Variants in CALN1 observed in about 807,000 individuals in gnomAD.
CALN1 encodes calcium-binding protein 8.
A neutral mutation model predicts 30.6 loss-of-function variants in CALN1; 17 were observed. That is an observed-to-expected ratio of 0.56 (90% CI 0.38 to 0.83). The LOEUF (loss-of-function observed/expected upper bound fraction) is 0.83. Among genes scored for constraint, CALN1 ranks in the 40% least tolerant of loss-of-function variants. The pLI is 0.00. For missense variants in CALN1, 291 were observed against 354.9 expected (o/e 0.82, Z 1.45); for synonymous variants, 156 against 131.4 (o/e 1.19, Z -1.28).
At chr7:72,232,485 G>A (rs988817473) in intron 3 of CALN1, among the ~76,000 whole-genome samples, 2 of 152,152 alleles carry the variant, frequency 1.3e-5, no homozygotes, top group Admixed American at 1.3e-4. Flanking sequence ...TTTTGAGACG[G>A]AGTCTCACTC....
intron 2 of CALN1, among the ~76,000 whole-genome samples, chr7:72,334,002 G>A (rs982343197): frequency 2.0e-5 from 3 of 152,182 alleles, no homozygotes; most frequent in African/African-American, 4.8e-5. Flanking sequence ...ACATAGGATC[G>A]AAACCCAGCC....
intron 4 of CALN1, among the ~76,000 whole-genome samples, chr7:72,071,858 G>A (rs1424801031): frequency 6.6e-6 from 1 of 152,162 alleles, no homozygotes; most frequent in Non-Finnish European, 1.5e-5. Context: ...CATGCTCAAA[G>A]AAGGAAGACA....
At chr7:71,789,416 CA>C (rs369559874) in intron 6 of CALN1, among the ~76,000 whole-genome samples, 6,229 of 152,020 alleles carry the variant, frequency 0.041, 409 homozygotes, top group African/African-American at 0.14. Context: ...GACTCTGTCT[CA>C]AAAAAACATG....
intron 2 of CALN1, chr7:72,336,870 C>T: frequency 1.0e-6 from 1 of 984,982 alleles, no homozygotes; most frequent in Non-Finnish European, 1.2e-6. Flanking sequence ...GTCCCCGTGC[C>T]GGCATCCTCG....
At position 71,868,861 on chromosome 7, in the gene CALN1, G is replaced by A. The variant is rs186876573; in HGVS notation, c.502-58369C>T. ...TTAATAGTAAAAGAGAATATAAAGT[G>A]ATAATAAGAGTTCAATCACTGTGTT... is the stretch of plus-strand genomic sequence containing the variant. On this transcript the variant is annotated intron_variant, in intron 5 of 6. Transcript: ENST00000395275. 2.0e-5 allele frequency among the ~76,000 whole-genome samples: 3 copies of A among 152,280 alleles called. No individual in the cohort carries two copies. In the East Asian group the frequency reaches 5.8e-4, roughly 29 times the overall value.
chr7:72,026,501 G>A (rs1362636194), intron 4 of CALN1, among the ~76,000 whole-genome samples: 6 of 151,956 alleles, frequency 3.9e-5, no homozygotes, highest in Admixed American at 1.3e-4. Context: ...CAGGAGAATC[G>A]CTGAACCCAG....
At chr7:72,353,411 T>G (rs1803050221) in intron 2 of CALN1, among the ~76,000 whole-genome samples, 1 of 152,160 alleles carries the variant, frequency 6.6e-6, no homozygotes. Context: ...TCATACAAAA[T>G]TAGTCTAAAT....
intron 3 of CALN1, among the ~76,000 whole-genome samples, chr7:72,125,257 C>A (rs546532047): frequency 6.6e-6 from 1 of 152,140 alleles, no homozygotes; most frequent in East Asian, 1.9e-4. Context: ...TCAAGTGATC[C>A]GCCTGCCTCA....
chr7:72,373,574 T>G, intron 2 of CALN1, among the ~76,000 whole-genome samples: 1 of 152,236 alleles, frequency 6.6e-6, no homozygotes. Flanking sequence ...GTTAGGTGAT[T>G]TTTCCCAACT....
intron 5 of CALN1, among the ~76,000 whole-genome samples, chr7:71,881,320 G>C (rs1792550017): frequency 6.6e-6 from 1 of 152,132 alleles, no homozygotes; most frequent in Non-Finnish European, 1.5e-5. Flanking sequence ...CCTTGTGATT[G>C]TCTGGGTCAA....
chr7:72,278,961 G>T (rs188075962), intron 2 of CALN1, among the ~76,000 whole-genome samples, 151 bp from the exon 3 acceptor site: 2 of 152,156 alleles, frequency 1.3e-5, no homozygotes, highest in African/African-American at 4.8e-5. Flanking sequence ...ATATTTCCAG[G>T]GTCCCAATGA....
chr7:72,338,525 G>GTGTGTCTGTCTGTCTGTCTTTC, intron 2 of CALN1, among the ~76,000 whole-genome samples: 1 of 122,292 alleles, frequency 8.2e-6, no homozygotes, highest in African/African-American at 3.1e-5. Context: ...GTGTGTGTGT[G>GTGTGTCTGTCTGTCTGTCTTTC]TGTCTCACCT....
intron 4 of CALN1, among the ~76,000 whole-genome samples, chr7:72,051,051 T>C (rs1429894045): frequency 6.6e-6 from 1 of 150,752 alleles, no homozygotes; most frequent in Non-Finnish European, 1.5e-5. Context: ...TATTTTGTTA[T>C]TTGGAAAGGA....
At position 72,389,182 on chromosome 7, in the gene CALN1, C is replaced by A. The variant is rs1239217972; in HGVS notation, c.119+14069G>T. Among the ~76,000 whole-genome samples, 9 of 152,260 alleles carry A rather than the reference C, an allele frequency of 5.9e-5. No homozygotes were observed. The East Asian group carries it at 1.7e-3, about 29-fold the overall frequency. On this transcript the variant is annotated intron_variant, in intron 2 of 6. Coordinates refer to ENST00000395275, the MANE Select transcript of CALN1 (RefSeq NM_031468.4). Reference sequence around the variant, plus strand: ...TCTCCATGGCGGGGCAACGCAGGAGCCCCTGTCCCTGGTATTCACATCAAA... The same window carrying A: ...TCTCCATGGCGGGGCAACGCAGGAGACCCTGTCCCTGGTATTCACATCAAA...
intron 2 of CALN1, among the ~76,000 whole-genome samples, chr7:72,338,085 AAAAG>A (rs1229924789): frequency 1.2e-4 from 19 of 152,198 alleles, no homozygotes; most frequent in African/African-American, 3.9e-4. Context: ...CTTGGCAAGA[AAAAG>A]AAAGAAAGCA....
At chr7:72,030,994 A>G (rs769102225) in intron 4 of CALN1, among the ~76,000 whole-genome samples, 3 of 152,158 alleles carry the variant, frequency 2.0e-5, no homozygotes, top group Admixed American at 1.3e-4. Context: ...ACCGCCTCCC[A>G]AAGTGCTGGG....
At chr7:72,409,716 A>G (rs1173825428) in intron 1 of CALN1, among the ~76,000 whole-genome samples, 1 of 152,112 alleles carries the variant, frequency 6.6e-6, no homozygotes, top group Non-Finnish European at 1.5e-5. Context: ...AATAATTCAT[A>G]AGCATGGGTT....
intron 4 of CALN1, among the ~76,000 whole-genome samples, chr7:72,057,265 C>CA (rs1364705836): frequency 3.9e-5 from 6 of 151,928 alleles, no homozygotes; most frequent in Admixed American, 1.3e-4. Flanking sequence ...AGTGAAAAGA[C>CA]AGAGTACACA....
At chr7:72,172,996 T>C (rs1025438332) in intron 3 of CALN1, among the ~76,000 whole-genome samples, 3 of 152,196 alleles carry the variant, frequency 2.0e-5, no homozygotes, top group Non-Finnish European at 2.9e-5. Context: ...ATATCTTTTT[T>C]TTTTGAAGAT....
Sources: gnomAD v4.1 joint callset for allele counts (sites outside exome capture counted in the v4.1 genomes callset) on GRCh38, gnomAD v4.1.1 for gene constraint, MANE v1.5 for transcripts, NCBI Gene and HGNC (gene_info 2026-07-23, HGNC 2026-07-21) for gene names.